Variants in TDP1 observed in about 807,000 individuals in gnomAD.
TDP1 encodes tyr-DNA phosphodiesterase 1.
Under a neutral mutation model 81.5 loss-of-function variants are expected in TDP1, and 64 were observed. The ratio of observed to expected loss-of-function variants is 0.79; its 90% confidence interval spans 0.64 to 0.97. The LOEUF (loss-of-function observed/expected upper bound fraction) is 0.97. Ranked by LOEUF, TDP1 falls within the 50% of genes least tolerant of loss-of-function variation. TDP1 has a pLI of 0.00. For missense variants in TDP1, 723 were observed against 743.8 expected, an observed-to-expected ratio of 0.97 and a Z score of 0.33; for synonymous variants, 256 against 264.3, an observed-to-expected ratio of 0.97 and a Z score of 0.30.
At chr14:90,003,041 G>A (rs1474310066) in intron 14 of TDP1, among the ~76,000 whole-genome samples, 1 of 151,932 alleles carries the variant, frequency 6.6e-6, no homozygotes, top group Non-Finnish European at 1.5e-5. Flanking sequence ...GGGTTCAAGC[G>A]ATTCTTCTGC....
intron 5 of TDP1, among the ~76,000 whole-genome samples, chr14:89,968,001 C>T (rs58354699): frequency 0.043 from 6,472 of 152,138 alleles, 453 homozygotes; most frequent in African/African-American, 0.15. Context: ...GGCAGATTCC[C>T]ATAACAGCAA....
At chr14:90,003,025 C>T (rs756324451) in intron 14 of TDP1, among the ~76,000 whole-genome samples, 1 of 152,174 alleles carries the variant, frequency 6.6e-6, no homozygotes, top group Non-Finnish European at 1.5e-5. Context: ...GCAACCTCCG[C>T]CTCCCGGGTT....
intron 3 of TDP1, chr14:89,965,942 AGAAT>A (rs1217532216): frequency 4.7e-6 from 4 of 859,296 alleles, no homozygotes; most frequent in African/African-American, 1.8e-5. Context: ...GTTTTATAAA[AGAAT>A]GTATGATAAA....
At chr14:90,004,714 A>G (rs1051350381) in intron 14 of TDP1, among the ~76,000 whole-genome samples, 2 of 152,306 alleles carry the variant, frequency 1.3e-5, no homozygotes, top group South Asian at 2.1e-4. Context: ...ATGTAGACCT[A>G]TCGTCTCTCT....
In TDP1 at chr14:89,957,313, G is replaced by T. The variant is rs569800923; in HGVS notation, c.-8+513G>T. On this transcript the variant is annotated intron_variant, in intron 2 of 16. Coordinates refer to ENST00000335725, the MANE Select transcript of TDP1 (RefSeq NM_018319.4). ...CTAGGGTAGAAACTATATTGTTAAC[G>T]CCTCATTCCCAGTTTTTGGTACATA... The T allele has an allele frequency of 2.6e-5, 4 of 152,242 alleles. No homozygotes were observed. The East Asian group carries it at 5.8e-4, about 22-fold the overall frequency. The allele number at this position is 152,242 out of a possible 1,614,324, so 9.4% of individuals were successfully genotyped here. A position where few individuals can be genotyped will look rare whatever the true frequency, so the allele number is the denominator to read the frequency against.
At chr14:89,975,632 C>G (rs1309696749) in intron 6 of TDP1, 149 bp from the exon 7 acceptor site, 6 of 665,440 alleles carry the variant, frequency 9.0e-6, no homozygotes, top group Admixed American at 3.1e-5. Flanking sequence ...ATTATAAAAG[C>G]TGTCTTGTTA....
At chr14:89,961,887 C>A (rs1287782664) in intron 2 of TDP1, among the ~76,000 whole-genome samples, 2 of 152,328 alleles carry the variant, frequency 1.3e-5, no homozygotes, top group South Asian at 4.1e-4. Flanking sequence ...CTCGAAGATA[C>A]TGTTGATCTG....
chr14:89,960,181 A>T (rs1892159590), intron 2 of TDP1, among the ~76,000 whole-genome samples: 1 of 152,200 alleles, frequency 6.6e-6, no homozygotes. Context: ...GTAGCCACTG[A>T]AATAGTTTCT....
chr14:89,992,186 T>C (rs1896264802), intron 13 of TDP1, among the ~76,000 whole-genome samples: 1 of 152,240 alleles, frequency 6.6e-6, no homozygotes, highest in Non-Finnish European at 1.5e-5. Context: ...GAGGAAAATT[T>C]ATTGCTGTGA....
At chr14:90,016,050 T>C (rs1885273214) in intron 14 of TDP1, among the ~76,000 whole-genome samples, 1 of 151,684 alleles carries the variant, frequency 6.6e-6, no homozygotes, top group African/African-American at 2.4e-5. Context: ...TTTTTTCTTT[T>C]TTTTTTTTGA....
At chr14:89,992,073 CT>C in intron 13 of TDP1, 90 bp downstream of exon 13, 2 of 1,067,902 alleles carry the variant, frequency 1.9e-6, no homozygotes, top group Non-Finnish European at 1.4e-6. Context: ...TTAAAAGGAA[CT>C]TTATGTAATA....
At chr14:90,023,496 T>G (rs564236078) in intron 15 of TDP1, among the ~76,000 whole-genome samples, 14 of 152,162 alleles carry the variant, frequency 9.2e-5, no homozygotes, top group Non-Finnish European at 2.1e-4. Flanking sequence ...TAGGCCAGTT[T>G]TCAGAGAATT....
intron 2 of TDP1, among the ~76,000 whole-genome samples, chr14:89,958,600 G>A (rs1243272805): frequency 6.6e-6 from 1 of 152,204 alleles, no homozygotes; most frequent in Non-Finnish European, 1.5e-5. Context: ...AGGTGGGCAT[G>A]ACAATGTAAA....
chr14:89,993,013 C>T (rs1340193549), intron 13 of TDP1: 6 of 915,674 alleles, frequency 6.6e-6, no homozygotes, highest in African/African-American at 1.8e-5. Context: ...CTACTCATAA[C>T]ACACCGTGGA....
intron 5 of TDP1, among the ~76,000 whole-genome samples, chr14:89,968,779 A>G (rs1171713221): frequency 6.6e-6 from 1 of 152,168 alleles, no homozygotes; most frequent in Non-Finnish European, 1.5e-5. Context: ...CTGTCACCCC[A>G]TTAGAGTGTT....
intron 14 of TDP1, among the ~76,000 whole-genome samples, chr14:90,002,061 T>C (rs759969234): frequency 2.0e-5 from 3 of 152,086 alleles, no homozygotes; most frequent in Non-Finnish European, 2.9e-5. Context: ...TAAAAACTTA[T>C]TTTTTTCCAA....
chr14:89,971,194 G>A lies in TDP1; in HGVS notation c.679G>A (p.Val227Met), dbSNP rs1037471566. The stretch of plus-strand genomic sequence containing the variant: ...TTTTAGGAAGAAGCCAATCCTGCTT[G>A]TGCATGGTGATAAGCGAGAGGCTAA... The part of the protein sequence containing the change: ...PEFRKKPILL[V>M]HGDKREAKAH... Residue 227 changes from valine (V) to methionine (M), a missense_variant, in exon 6 of 17, where the codon GTG (valine) becomes ATG (methionine). Transcript: ENST00000335725. 1.2e-6 allele frequency: 2 copies of A among 1,614,020 alleles called. No individual in the cohort carries two copies. Among genetic ancestry groups the A allele is most frequent in the South Asian group, 2.2e-5 (2 of 91,082 alleles).
rs771421318 is a variant in TDP1 at position 90,019,391 on chromosome 14, C to G, written c.1617C>G (p.Leu539=). 1 of 1,609,428 alleles carries G rather than the reference C, an allele frequency of 6.2e-7. No homozygotes were observed. Among genetic ancestry groups the G allele is most frequent in the Non-Finnish European group, 8.5e-7 (1 of 1,175,882 alleles). Residue 539 remains leucine (L), a synonymous_variant, in exon 15 of 17, where the codon CTC becomes CTG. Transcript: ENST00000335725. ...GTQLMIRSYE[L]GVLFLPSAFG... is the part of the protein sequence containing the mutation. ...AGCTGATGATCCGCTCCTACGAGCT[C>G]GGGGTCCTTTTCCTCCCTTCAGCAT...
At chr14:90,038,664 C>A (rs920305701) in intron 16 of TDP1, among the ~76,000 whole-genome samples, 1 of 152,026 alleles carries the variant, frequency 6.6e-6, no homozygotes, top group Non-Finnish European at 1.5e-5. Context: ...ATGGTGAAAC[C>A]CTGTCTCTAC....
Sources: allele counts gnomAD v4.1 joint callset (sites outside exome capture counted in the v4.1 genomes callset), GRCh38; gene constraint gnomAD v4.1.1; transcripts MANE v1.5; gene names NCBI Gene and HGNC (gene_info 2026-07-23, HGNC 2026-07-21).